The following SLC12A8 variants were observed in gnomAD, a reference collection of about 807,000 sequenced individuals.
SLC12A8 encodes the protein cation-chloride cotransporter 9.
Under a neutral mutation model 75.6 loss-of-function variants are expected in SLC12A8, and 69 were observed. The observed-to-expected ratio is 0.91, with a 90% CI of 0.75 to 1.11. The LOEUF (loss-of-function observed/expected upper bound fraction) is 1.11, where lower values mean the gene tolerates loss of function less well. Ranked by LOEUF, SLC12A8 falls within the 50% of genes most tolerant of loss-of-function variation. SLC12A8 has a pLI of 0.00. For synonymous variants in SLC12A8, 365 were observed against 372.8 expected, an observed-to-expected ratio of 0.98 and a Z score of 0.24; for missense variants, 877 against 896.7, an observed-to-expected ratio of 0.98 and a Z score of 0.28.
intron 10 of SLC12A8, among the ~76,000 whole-genome samples, chr3:125,099,111 T>C (rs1204687647): frequency 6.6e-6 from 1 of 152,212 alleles, no homozygotes; most frequent in Non-Finnish European, 1.5e-5. Flanking sequence ...GTTTTGACTA[T>C]GCTTCCCAAG....
At chr3:125,140,403 C>T (rs1257434032) in intron 5 of SLC12A8, among the ~76,000 whole-genome samples, 3 of 152,212 alleles carry the variant, frequency 2.0e-5, no homozygotes, top group Admixed American at 1.3e-4. Flanking sequence ...AGGCCTCTCT[C>T]CAGGAGGTGG....
chr3:125,164,451 C>G (rs1022033120), intron 5 of SLC12A8, among the ~76,000 whole-genome samples: 1 of 152,210 alleles, frequency 6.6e-6, no homozygotes, highest in Non-Finnish European at 1.5e-5. Context: ...CTTCCCAGTT[C>G]GTCACACACA....
intron 8 of SLC12A8, among the ~76,000 whole-genome samples, chr3:125,116,920 A>G (rs1939324879): frequency 1.3e-5 from 2 of 152,168 alleles, no homozygotes; most frequent in Non-Finnish European, 2.9e-5. Flanking sequence ...GGCCCTTGGG[A>G]GTGAAACTTC....
At chr3:125,127,651 G>T (rs1044927828) in intron 6 of SLC12A8, among the ~76,000 whole-genome samples, 1 of 152,204 alleles carries the variant, frequency 6.6e-6, no homozygotes, top group Non-Finnish European at 1.5e-5. Context: ...ACCACTTCAT[G>T]GCAGCCCTGT....
At chr3:125,088,186 C>T (rs1165511291) in intron 13 of SLC12A8, 124 bp downstream of exon 13, 2 of 874,550 alleles carry the variant, frequency 2.3e-6, no homozygotes, top group Non-Finnish European at 3.7e-6. Flanking sequence ...CCCGGAGGTG[C>T]CCAGTTGTTA....
intron 4 of SLC12A8, among the ~76,000 whole-genome samples, chr3:125,180,395 T>C (rs1020272069): frequency 2.6e-5 from 4 of 152,130 alleles, no homozygotes; most frequent in Non-Finnish European, 4.4e-5. Context: ...CCTAGAACAA[T>C]ATCTGGCTCA....
intron 10 of SLC12A8, among the ~76,000 whole-genome samples, chr3:125,094,528 G>A (rs1938665389): frequency 6.6e-6 from 1 of 151,696 alleles, no homozygotes; most frequent in Non-Finnish European, 1.5e-5. Context: ...CCTAACTAAG[G>A]CCCATCCCTC....
intron 5 of SLC12A8, among the ~76,000 whole-genome samples, chr3:125,152,790 A>G (rs760494010): frequency 6.6e-6 from 1 of 152,252 alleles, no homozygotes; most frequent in East Asian, 1.9e-4. Context: ...ACGGCTAACA[A>G]GAAGCATGTG....
intron 5 of SLC12A8, among the ~76,000 whole-genome samples, chr3:125,143,214 G>C (rs1289919791): frequency 6.6e-6 from 1 of 152,218 alleles, no homozygotes; most frequent in African/African-American, 2.4e-5. Context: ...CAATCTGTTG[G>C]GCTCTCCCAT....
chr3:125,126,716 C>G (rs749829307), intron 6 of SLC12A8, among the ~76,000 whole-genome samples: 1 of 152,230 alleles, frequency 6.6e-6, no homozygotes, highest in Non-Finnish European at 1.5e-5. Context: ...TTCCAAGATT[C>G]CTCCTGGGGA....
intron 5 of SLC12A8, among the ~76,000 whole-genome samples, chr3:125,177,345 G>C (rs533701670): frequency 1.4e-5 from 2 of 140,338 alleles, no homozygotes; most frequent in African/African-American, 5.1e-5. Context: ...GGAGGGGGGA[G>C]GATTGCATTA....
At chr3:125,120,082 C>T (rs893948356) in intron 7 of SLC12A8, among the ~76,000 whole-genome samples, 1 of 152,088 alleles carries the variant, frequency 6.6e-6, no homozygotes, top group African/African-American at 2.4e-5. Context: ...CTTCTCTCCC[C>T]GCCGCAATCT....
chr3:125,094,330 T>C (rs1055561981), intron 10 of SLC12A8, among the ~76,000 whole-genome samples: 4 of 152,174 alleles, frequency 2.6e-5, no homozygotes, highest in African/African-American at 9.7e-5. Flanking sequence ...GCTCCCATGC[T>C]TCAGAATTAC....
At chr3:125,115,350 C>A (rs1483373076) in intron 8 of SLC12A8, among the ~76,000 whole-genome samples, 1 of 151,970 alleles carries the variant, frequency 6.6e-6, no homozygotes, top group African/African-American at 2.4e-5. Context: ...GGTGAAACCC[C>A]GTTTCTACTA....
At chr3:125,201,265 A>G (rs1579544636) in intron 2 of SLC12A8, among the ~76,000 whole-genome samples, 1 of 152,058 alleles carries the variant, frequency 6.6e-6, no homozygotes, top group Non-Finnish European at 1.5e-5. Flanking sequence ...TTTGCCAGAC[A>G]TGGTGGCATG....
intron 9 of SLC12A8, among the ~76,000 whole-genome samples, chr3:125,109,813 G>A (rs966250235): frequency 5.3e-5 from 8 of 152,158 alleles, no homozygotes; most frequent in Admixed American, 1.3e-4. Context: ...GGACCAGCTC[G>A]CCTCCTGACC....
At chr3:125,097,971 A>C (rs1407548502) in intron 10 of SLC12A8, among the ~76,000 whole-genome samples, 1 of 152,214 alleles carries the variant, frequency 6.6e-6, no homozygotes, top group Non-Finnish European at 1.5e-5. Context: ...AACAAATATA[A>C]GGCAAAATAT....
At chr3:125,103,459 TAAAA>T (rs34404091) in intron 10 of SLC12A8, among the ~76,000 whole-genome samples, 9 of 120,890 alleles carry the variant, frequency 7.4e-5, no homozygotes, top group Non-Finnish European at 1.0e-4. Flanking sequence ...GTACTTCACT[TAAAA>T]AAAAAAAAAA....
intron 2 of SLC12A8, among the ~76,000 whole-genome samples, chr3:125,191,334 G>C (rs773326220): frequency 2.6e-5 from 4 of 152,132 alleles, no homozygotes; most frequent in African/African-American, 9.7e-5. Flanking sequence ...CCATAACTTC[G>C]TGGATATACT....
Sources: allele counts gnomAD v4.1 joint callset (sites outside exome capture counted in the v4.1 genomes callset), GRCh38; gene constraint gnomAD v4.1.1; transcripts MANE v1.5; gene names NCBI Gene and HGNC (gene_info 2026-07-23, HGNC 2026-07-21).